LHPP: variants seen among roughly 807,000 people sequenced by gnomAD.
LHPP encodes hLHPP.
Under a neutral mutation model 30.3 loss-of-function variants are expected in LHPP, and 24 were observed. The observed-to-expected ratio is 0.79, with a 90% CI of 0.57 to 1.11. The LOEUF is 1.11. LHPP is among the 50% of genes most tolerant of loss of function. The pLI, the probability that LHPP is intolerant of heterozygous loss-of-function variation, is 0.00. For synonymous variants in LHPP, 150 were observed against 157.1 expected (o/e 0.95, Z 0.34); for missense variants, 356 against 367.2 (o/e 0.97, Z 0.25).
At chr10:124,493,970 T>A (rs1953620476) in intron 3 of LHPP, 1 of 152,214 alleles carries the variant, frequency 6.6e-6, no homozygotes. Context: ...AAAGAAAAAT[T>A]CTGGGCACTA....
At chr10:124,611,939 A>G (rs1949206580) in intron 6 of LHPP, among the ~76,000 whole-genome samples, 1 of 152,182 alleles carries the variant, frequency 6.6e-6, no homozygotes, top group South Asian at 2.1e-4. Context: ...GATCCAAGCA[A>G]CATGTCCCTC....
At chr10:124,595,203 G>A (rs1472605223) in intron 6 of LHPP, among the ~76,000 whole-genome samples, 1 of 152,186 alleles carries the variant, frequency 6.6e-6, no homozygotes, top group Non-Finnish European at 1.5e-5. Context: ...GTTGGGGGGT[G>A]AACACTGGAG....
intron 6 of LHPP, among the ~76,000 whole-genome samples, chr10:124,529,410 C>A (rs1414670895): frequency 1.3e-5 from 2 of 152,094 alleles, no homozygotes; most frequent in East Asian, 3.9e-4. Flanking sequence ...GCCCACACAG[C>A]TCCCACCTGA....
chr10:124,591,370 C>T (rs1207333647), intron 6 of LHPP, among the ~76,000 whole-genome samples: 3 of 152,104 alleles, frequency 2.0e-5, no homozygotes, highest in Non-Finnish European at 2.9e-5. Context: ...CCTCCAACCC[C>T]CACCACCTCC....
Position 124,593,902 on chromosome 10 carries a change from G to A in LHPP, c.717-19362G>A, listed in dbSNP as rs1029016309. On this transcript the variant is annotated intron_variant, in intron 6 of 6. Transcript: ENST00000368842. This position sits in a 1 kb window ranked among gnomAD's most constrained non-coding sequence, Gnocchi z 4.9. The stretch of plus-strand genomic sequence containing the variant: ...GGTATTTGGCCCCAGGGCCAGGGCT[G>A]TCCCTCCCACAGCTATTGAACACCA... 3.9e-5 allele frequency among the ~76,000 whole-genome samples: 6 copies of A among 152,252 alleles called. No individual in the cohort carries two copies. Among genetic ancestry groups the A allele is most frequent in the African/African-American group, 1.4e-4 (6 of 41,476 alleles).
chr10:124,526,298 A>G lies in LHPP; in HGVS notation c.716+9027A>G, dbSNP rs1455811723. ...CATGGCGGGGCCAGTGCTCATGCTT[A>G]CACACACTCAGCCTCAGCTCGTCTA... On this transcript the variant is annotated intron_variant, in intron 6 of 6. Transcript: ENST00000368842. 7.5e-6 allele frequency: 7 copies of G among 934,508 alleles called. No individual in the cohort carries two copies. In the East Asian group the frequency reaches 4.7e-4, roughly 62 times the overall value. 57.9% of individuals were successfully genotyped at this position (934,508 alleles called of 1,614,324 possible). A position where few individuals can be genotyped will look rare whatever the true frequency, so the allele number is the denominator to read the frequency against.
chr10:124,572,296 G>A (rs74160936), intron 6 of LHPP, among the ~76,000 whole-genome samples: 1,763 of 152,204 alleles, frequency 0.012, 31 homozygotes, highest in African/African-American at 0.041. Context: ...GAGTGGTGGC[G>A]GTCACTGGCA....
At chr10:124,499,512 G>C (rs1589798465) in intron 5 of LHPP, among the ~76,000 whole-genome samples, 1 of 152,044 alleles carries the variant, frequency 6.6e-6, no homozygotes, top group South Asian at 2.1e-4. Context: ...AAAATTAGCT[G>C]GGCGAGGTGG....
intron 3 of LHPP, among the ~76,000 whole-genome samples, chr10:124,491,597 G>C (rs915889160): frequency 1.3e-5 from 2 of 152,194 alleles, no homozygotes; most frequent in Non-Finnish European, 2.9e-5. Flanking sequence ...TTACCTCTAA[G>C]CTACATTCTA....
chr10:124,552,747 C>T lies in LHPP; in HGVS notation c.716+35476C>T, dbSNP rs550529578. On this transcript the variant is annotated intron_variant, in intron 6 of 6. Transcript: ENST00000368842. ...CCCAAGGTCCCCGCCTGCAAAGGACCAGCCCCAGCATGAGGCCCTGAAAGT... is the reference window on the plus strand; with the variant it reads ...CCCAAGGTCCCCGCCTGCAAAGGACTAGCCCCAGCATGAGGCCCTGAAAGT... Among the ~76,000 whole-genome samples, 158 of 152,328 alleles carry T rather than the reference C, an allele frequency of 1.0e-3. 1 individual carries two copies. Among genetic ancestry groups the T allele is most frequent in the African/African-American group, 3.7e-3 (153 of 41,572 alleles).
In LHPP at chr10:124,471,285, G is replaced by A. The variant is rs760770257; in HGVS notation, c.125+9298G>A. On this transcript the variant is annotated intron_variant, in intron 1 of 6. Coordinates refer to ENST00000368842, the MANE Select transcript of LHPP (RefSeq NM_022126.4). ...GTGTTTGGTTAGTCACAGGTCACTG[G>A]AGGCTGGAGACCCCTTGCAGGTCCC... 4.7e-4 allele frequency among the ~76,000 whole-genome samples: 71 copies of A among 150,034 alleles called. 1 individual carries two copies. Among genetic ancestry groups the A allele is most frequent in the Admixed American group, 8.8e-4 (13 of 14,694 alleles).
chr10:124,569,108 A>G (rs2133978792), intron 6 of LHPP, among the ~76,000 whole-genome samples: 1 of 152,206 alleles, frequency 6.6e-6, no homozygotes. Context: ...CCCCCTCCAC[A>G]TGCACACTGC....
At chr10:124,588,612 G>T (rs983185587) in intron 6 of LHPP, among the ~76,000 whole-genome samples, 14 of 152,242 alleles carry the variant, frequency 9.2e-5, no homozygotes, top group African/African-American at 3.4e-4. Flanking sequence ...AGTTTTTACA[G>T]ATGTCTGCAA....
At chr10:124,573,166 T>A (rs1948611526) in intron 6 of LHPP, among the ~76,000 whole-genome samples, 1 of 152,238 alleles carries the variant, frequency 6.6e-6, no homozygotes, top group African/African-American at 2.4e-5. Flanking sequence ...TTTGGAATAA[T>A]TTCATATGTA....
At chr10:124,549,620 C>T (rs1955429379) in intron 6 of LHPP, among the ~76,000 whole-genome samples, 1 of 152,076 alleles carries the variant, frequency 6.6e-6, no homozygotes, top group Admixed American at 6.6e-5. Flanking sequence ...TACTTTTTTC[C>T]CCTTAATCTG....
In LHPP at chr10:124,523,472, C is replaced by T. The variant is rs1004205713; in HGVS notation, c.716+6201C>T. On this transcript the variant is annotated intron_variant, in intron 6 of 6. Transcript: ENST00000368842. The surrounding 1 kb of genome is among the most constrained non-coding windows in gnomAD (Gnocchi z 4.2). ...GCTGCCGTCAAAGCAGCAGCTTGTC[C>T]TGGGTCTTCCCAGACTTCGCAGTGA... Among the ~76,000 whole-genome samples, 1 of 152,258 alleles carries T rather than the reference C, an allele frequency of 6.6e-6. No homozygotes were observed. The highest frequency in any genetic ancestry group is 1.9e-4 in the East Asian group (1 of 5,204).
chr10:124,595,113 G>A (rs1304230568), intron 6 of LHPP, among the ~76,000 whole-genome samples: 3 of 152,172 alleles, frequency 2.0e-5, no homozygotes, highest in Non-Finnish European at 4.4e-5. Context: ...CTTTCTGATG[G>A]AATGAACTCT....
chr10:124,591,189 A>T (rs1948879020), intron 6 of LHPP, among the ~76,000 whole-genome samples: 1 of 152,162 alleles, frequency 6.6e-6, no homozygotes, highest in Admixed American at 6.5e-5. Context: ...TCTGTACCTG[A>T]TCAGTGGCAT....
chr10:124,494,324 T>C (rs2133867567), intron 3 of LHPP, among the ~76,000 whole-genome samples: 1 of 152,288 alleles, frequency 6.6e-6, no homozygotes, highest in Admixed American at 6.5e-5. Flanking sequence ...CCAGGGTAGC[T>C]GAGGGACAGG....
Sources: gnomAD v4.1 joint callset for allele counts (sites outside exome capture counted in the v4.1 genomes callset) on GRCh38, gnomAD v4.1.1 for gene constraint, Gnocchi (gnomAD v3.1) non-coding constraint, MANE v1.5 for transcripts, NCBI Gene and HGNC (gene_info 2026-07-23, HGNC 2026-07-21) for gene names.